Variants in ROBO1 observed in about 807,000 individuals in gnomAD.
The protein encoded by ROBO1 is roundabout homolog 1.
In ROBO1, 149 loss-of-function variants were observed where a neutral mutation model predicts 195.9. The ratio of observed to expected loss-of-function variants is 0.76; its 90% CI spans 0.67 to 0.87. The LOEUF (loss-of-function observed/expected upper bound fraction) is 0.87, where lower values mean the gene tolerates loss of function less well. Among genes scored for constraint, ROBO1 ranks in the 40% least tolerant of loss-of-function variants. The probability of loss-of-function intolerance (pLI) is 0.00; values close to 1 mark genes in which losing one functional copy is unlikely to be tolerated. For missense variants in ROBO1, 1,933 were observed against 2,068.3 expected (o/e 0.93, Z 1.27); for synonymous variants, 816 against 733.2 (o/e 1.11, Z -1.82).
At chr3:79,522,806 C>T (rs1430991590) in intron 2 of ROBO1, among the ~76,000 whole-genome samples, 2 of 152,046 alleles carry the variant, frequency 1.3e-5, no homozygotes, top group Non-Finnish European at 2.9e-5. Context: ...TCAGAAAAAA[C>T]TTCAAGTTAT....
At chr3:79,177,442 T>C (rs774660612) in intron 2 of ROBO1, among the ~76,000 whole-genome samples, 2 of 152,126 alleles carry the variant, frequency 1.3e-5, no homozygotes, top group Non-Finnish European at 2.9e-5. Flanking sequence ...GGGCTAGGGA[T>C]ATATAGGATG....
intron 2 of ROBO1, among the ~76,000 whole-genome samples, chr3:79,188,597 T>C (rs1055327716): frequency 6.6e-6 from 1 of 151,252 alleles, no homozygotes; most frequent in Non-Finnish European, 1.5e-5. Flanking sequence ...AAAAAGGGAG[T>C]TGTTTCTTTC....
chr3:79,097,130 C>T (rs147198326), intron 3 of ROBO1, among the ~76,000 whole-genome samples: 1 of 151,644 alleles, frequency 6.6e-6, no homozygotes, highest in South Asian at 2.1e-4. Flanking sequence ...AAAAGCATGG[C>T]ATAAGGTAGA....
rs1401038726 is a variant in ROBO1 at position 78,777,143 on chromosome 3, A to G, written c.500-30243T>C. On this transcript the variant is annotated intron_variant, in intron 4 of 30. Transcript: ENST00000464233. Reference sequence around the variant, plus strand: ...GAAAGTTTATGCCAAACTGAATAGCAAACTTCTGAAATATGCTAACTTAAT... The same window carrying G: ...GAAAGTTTATGCCAAACTGAATAGCGAACTTCTGAAATATGCTAACTTAAT... Among the ~76,000 whole-genome samples the G allele has an allele frequency of 2.6e-5, 4 of 152,326 alleles. No homozygotes were observed. The East Asian group carries it at 7.7e-4, about 29-fold the overall frequency.
chr3:78,607,195 T>C (rs1703517816), intron 28 of ROBO1, 154 bp from the exon 29 acceptor site: 1 of 688,944 alleles, frequency 1.5e-6, no homozygotes. Flanking sequence ...ATACCCACAA[T>C]TTTTTAAAAT....
At chr3:79,394,353 G>A (rs140795495) in intron 2 of ROBO1, among the ~76,000 whole-genome samples, 7 of 151,910 alleles carry the variant, frequency 4.6e-5, no homozygotes, top group South Asian at 2.1e-4. Flanking sequence ...TCACTTAAAC[G>A]TCTTCAAAAT....
At chr3:79,433,151 A>C (rs2038747866) in intron 2 of ROBO1, among the ~76,000 whole-genome samples, 1 of 152,014 alleles carries the variant, frequency 6.6e-6, no homozygotes, top group East Asian at 1.9e-4. Flanking sequence ...TCTATTAGCT[A>C]TTCTTCCTGA....
intron 3 of ROBO1, among the ~76,000 whole-genome samples, chr3:79,112,801 A>G (rs2079911933): frequency 6.6e-6 from 1 of 152,036 alleles, no homozygotes; most frequent in Non-Finnish European, 1.5e-5. Flanking sequence ...ATTAGGAGAT[A>G]TACCTAATGG....
intron 2 of ROBO1, among the ~76,000 whole-genome samples, chr3:79,420,878 AG>A (rs2038195702): frequency 6.6e-6 from 1 of 152,194 alleles, no homozygotes; most frequent in South Asian, 2.1e-4. Flanking sequence ...CACTGAGTAT[AG>A]ATCCAAAAGA....
intron 3 of ROBO1, chr3:79,019,084 C>T: frequency 4.0e-6 from 4 of 989,608 alleles, no homozygotes; most frequent in Non-Finnish European, 4.8e-6. Context: ...GCTGCCTGGG[C>T]GGGCCCTTGT....
intron 2 of ROBO1, among the ~76,000 whole-genome samples, chr3:79,586,165 A>G (rs1214300361): frequency 1.3e-5 from 2 of 151,978 alleles, no homozygotes; most frequent in South Asian, 2.1e-4. Flanking sequence ...TCTATTCAAA[A>G]TGTATTGAGC....
intron 2 of ROBO1, among the ~76,000 whole-genome samples, chr3:79,409,895 A>G (rs1440710386): frequency 6.6e-6 from 1 of 151,946 alleles, no homozygotes; most frequent in African/African-American, 2.4e-5. Context: ...TTACCATCTC[A>G]CCTCAACTTT....
intron 4 of ROBO1, among the ~76,000 whole-genome samples, chr3:78,808,892 C>T (rs2084636685): frequency 1.3e-5 from 2 of 152,090 alleles, no homozygotes; most frequent in African/African-American, 4.8e-5. Context: ...ACCATAAAAA[C>T]ACTAGAAGAA....
intron 3 of ROBO1, among the ~76,000 whole-genome samples, chr3:78,940,449 G>A (rs889735384): frequency 6.6e-6 from 1 of 152,152 alleles, no homozygotes; most frequent in Non-Finnish European, 1.5e-5. Flanking sequence ...ACAAGAGTTA[G>A]CCTGTTCATT....
At chr3:79,402,718 C>T (rs1559873754) in intron 2 of ROBO1, among the ~76,000 whole-genome samples, 1 of 151,882 alleles carries the variant, frequency 6.6e-6, no homozygotes, top group Admixed American at 6.6e-5. Flanking sequence ...AGTATTTCTG[C>T]CTCCAGGGTG....
At chr3:78,866,766 C>T (rs780117407) in intron 4 of ROBO1, among the ~76,000 whole-genome samples, 32 of 152,084 alleles carry the variant, frequency 2.1e-4, no homozygotes, top group Non-Finnish European at 4.1e-4. Flanking sequence ...AGTGATAGTT[C>T]ATATAAGGCT....
At chr3:79,714,918 C>T (rs903263893) in intron 1 of ROBO1, among the ~76,000 whole-genome samples, 1 of 150,904 alleles carries the variant, frequency 6.6e-6, no homozygotes, top group African/African-American at 2.4e-5. Context: ...TTAATGGGTG[C>T]AGCACACCAA....
At chr3:78,642,375 A>G (rs1336466923) in intron 21 of ROBO1, among the ~76,000 whole-genome samples, 3 of 152,176 alleles carry the variant, frequency 2.0e-5, no homozygotes, top group African/African-American at 7.2e-5. Context: ...GGAAATGGTG[A>G]AGGAGGCTGG....
intron 4 of ROBO1, among the ~76,000 whole-genome samples, chr3:78,804,569 A>G (rs2084471952): frequency 6.6e-6 from 1 of 151,954 alleles, no homozygotes. Flanking sequence ...CCTCTCAATC[A>G]TCCATCATCC....
Sources: allele counts gnomAD v4.1 joint callset (sites outside exome capture counted in the v4.1 genomes callset), GRCh38; gene constraint gnomAD v4.1.1; transcripts MANE v1.5; gene names NCBI Gene and HGNC (gene_info 2026-07-23, HGNC 2026-07-21).